Variants in PTPRK observed in about 807,000 individuals in gnomAD.
PTPRK encodes the protein receptor-type tyrosine-protein phosphatase kappa.
PTPRK carries 75 observed loss-of-function variants against 178.0 expected under a neutral mutation model. The ratio of observed to expected loss-of-function variants is 0.42; its 90% confidence interval spans 0.35 to 0.51. The LOEUF (loss-of-function observed/expected upper bound fraction) is 0.51. Ranked by LOEUF, PTPRK falls within the 20% of genes least tolerant of loss-of-function variation. The probability of loss-of-function intolerance (pLI) is 0.02; values close to 1 mark genes in which losing one functional copy is unlikely to be tolerated. For synonymous variants in PTPRK, 637 were observed against 620.6 expected, an observed-to-expected ratio of 1.03 and a Z score of -0.39; for missense variants, 1,441 against 1,797.8, an observed-to-expected ratio of 0.80 and a Z score of 3.59.
chr6:128,067,923 C>T, intron 11 of PTPRK, 131 bp from the exon 12 acceptor site: 1 of 844,786 alleles, frequency 1.2e-6, no homozygotes, highest in Non-Finnish European at 1.7e-6. Flanking sequence ...TAGTCTTAAC[C>T]TGGTATACTC....
intron 13 of PTPRK, among the ~76,000 whole-genome samples, chr6:128,045,878 G>A (rs927433732): frequency 3.3e-5 from 5 of 151,972 alleles, no homozygotes; most frequent in African/African-American, 1.2e-4. Context: ...TTGACCACTC[G>A]TTAGCCTTTA....
chr6:128,198,315 C>A (rs1241088902), intron 6 of PTPRK, among the ~76,000 whole-genome samples: 1 of 152,162 alleles, frequency 6.6e-6, no homozygotes, highest in Non-Finnish European at 1.5e-5. Context: ...ATCTGTCCAG[C>A]CTCATGTGTT....
At chr6:128,507,780 T>C (rs1415999047) in intron 1 of PTPRK, among the ~76,000 whole-genome samples, 4 of 152,108 alleles carry the variant, frequency 2.6e-5, no homozygotes, top group Non-Finnish European at 5.9e-5. Context: ...TACACTGTAG[T>C]CTAAGAGGCT....
intron 7 of PTPRK, among the ~76,000 whole-genome samples, chr6:128,113,140 A>G (rs1790942186): frequency 6.6e-6 from 1 of 152,056 alleles, no homozygotes; most frequent in Admixed American, 6.6e-5. Context: ...CAGTTCTATC[A>G]GCCTTCCCTT....
intron 7 of PTPRK, among the ~76,000 whole-genome samples, chr6:128,175,905 G>A (rs1800994389): frequency 6.6e-6 from 1 of 151,732 alleles, no homozygotes; most frequent in Non-Finnish European, 1.5e-5. Context: ...AAACAGAAAG[G>A]ATTTGGCTGT....
At chr6:128,241,746 T>G (rs1045605285) in intron 4 of PTPRK, among the ~76,000 whole-genome samples, 2 of 152,166 alleles carry the variant, frequency 1.3e-5, no homozygotes, top group East Asian at 3.9e-4. Context: ...CAAAACTGTG[T>G]ATTAATAAAC....
At chr6:128,150,038 T>C (rs1446112790) in intron 7 of PTPRK, among the ~76,000 whole-genome samples, 1 of 152,128 alleles carries the variant, frequency 6.6e-6, no homozygotes, top group Non-Finnish European at 1.5e-5. Flanking sequence ...ACAGACATAA[T>C]GTTTGCTCAT....
intron 8 of PTPRK, among the ~76,000 whole-genome samples, chr6:128,089,387 G>A (rs763467444): frequency 6.6e-6 from 1 of 152,190 alleles, no homozygotes; most frequent in South Asian, 2.1e-4. Context: ...GTGCCATGGA[G>A]AGTAAAAATT....
At chr6:128,018,868 C>T (rs193276249) in intron 13 of PTPRK, among the ~76,000 whole-genome samples, 44 of 152,086 alleles carry the variant, frequency 2.9e-4, no homozygotes, top group South Asian at 1.2e-3. Context: ...TCATTTAGTA[C>T]GTATTTGTTG....
intron 2 of PTPRK, among the ~76,000 whole-genome samples, chr6:128,375,431 G>A (rs191182998): frequency 6.6e-6 from 1 of 151,972 alleles, no homozygotes; most frequent in African/African-American, 2.4e-5. Context: ...CAGATCTCAT[G>A]AGACCCATTC....
At chr6:128,096,429 G>A (rs1787911879) in intron 7 of PTPRK, among the ~76,000 whole-genome samples, 1 of 152,066 alleles carries the variant, frequency 6.6e-6, no homozygotes, top group Non-Finnish European at 1.5e-5. Flanking sequence ...GACATGACAG[G>A]TCAATATCCC....
chr6:128,434,002 T>G (rs1022753462), intron 1 of PTPRK, among the ~76,000 whole-genome samples: 2 of 151,424 alleles, frequency 1.3e-5, no homozygotes, highest in Admixed American at 6.6e-5. Context: ...AGTCAGAGAT[T>G]TCTTAGGCTA....
chr6:128,390,179 C>G (rs1456736576), intron 2 of PTPRK, among the ~76,000 whole-genome samples: 1 of 152,148 alleles, frequency 6.6e-6, no homozygotes, highest in African/African-American at 2.4e-5. Context: ...TATTTTCAAA[C>G]CCTAGACTTT....
intron 1 of PTPRK, chr6:128,472,605 T>C (rs1478206418): frequency 1.5e-5 from 3 of 206,690 alleles, no homozygotes; most frequent in Non-Finnish European, 2.9e-5. Flanking sequence ...TATTTACCAT[T>C]TATTATATAT....
Position 128,402,327 on chromosome 6 carries a change from G to A in PTPRK, c.101-4639C>T, listed in dbSNP as rs553243339. On this transcript the variant is annotated intron_variant, in intron 1 of 29. Coordinates refer to ENST00000368226, the MANE Select transcript of PTPRK (RefSeq NM_002844.4). ...GGCTAGAGTGCAGTGGCGCGATCTCGGCTCACAGCAACCTCTGCCTTCCAG... is the reference window on the plus strand; with the variant it reads ...GGCTAGAGTGCAGTGGCGCGATCTCAGCTCACAGCAACCTCTGCCTTCCAG... 1.9e-3 allele frequency among the ~76,000 whole-genome samples: 296 copies of A among 152,148 alleles called. 2 individuals are homozygous for A. Among genetic ancestry groups the A allele is most frequent in the Admixed American group, 6.9e-3 (106 of 15,278 alleles).
chr6:128,474,726 C>T (rs1002576273), intron 1 of PTPRK, among the ~76,000 whole-genome samples: 1 of 152,012 alleles, frequency 6.6e-6, no homozygotes, highest in African/African-American at 2.4e-5. Context: ...AAAATGTATG[C>T]CCCAAACTGT....
At chr6:128,279,052 T>A (rs1472248024) in intron 3 of PTPRK, among the ~76,000 whole-genome samples, 1 of 152,120 alleles carries the variant, frequency 6.6e-6, no homozygotes, top group Non-Finnish European at 1.5e-5. Flanking sequence ...AAGTGCTGTG[T>A]GTTTAGCTTT....
At chr6:128,032,121 C>T (rs544281756) in intron 13 of PTPRK, among the ~76,000 whole-genome samples, 2 of 152,292 alleles carry the variant, frequency 1.3e-5, no homozygotes, top group South Asian at 2.1e-4. Flanking sequence ...GACCTGCGAC[C>T]TATCTCTAAT....
In PTPRK at chr6:127,984,044, G is replaced by A. The variant is rs373173574; in HGVS notation, c.3252-667C>T. 1.2e-4 allele frequency among the ~76,000 whole-genome samples: 18 copies of A among 152,024 alleles called. No homozygotes were observed. The East Asian group carries it at 1.4e-3, about 11-fold the overall frequency. On this transcript the variant is annotated intron_variant, in intron 22 of 29. Transcript: ENST00000368226. ...TTCCCAGCAAATCAAAAGGCTAGCC[G>A]CTATCTTACTGTATTTAATTCTAAA...
Sources: allele counts gnomAD v4.1 joint callset (sites outside exome capture counted in the v4.1 genomes callset), GRCh38; gene constraint gnomAD v4.1.1; transcripts MANE v1.5; gene names NCBI Gene and HGNC (gene_info 2026-07-23, HGNC 2026-07-21).